Variants in CSMD1 observed in about 807,000 individuals in gnomAD.
CSMD1 encodes CUB and sushi domain-containing protein 1.
Under a neutral mutation model 417.5 loss-of-function variants are expected in CSMD1, and 213 were observed. The ratio of observed to expected loss-of-function variants is 0.51; its 90% CI spans 0.46 to 0.57. The LOEUF is 0.57. CSMD1 is among the 20% of genes least tolerant of loss of function. CSMD1 has a pLI of 0.00. For synonymous variants in CSMD1, 2,862 were observed against 1,736.8 expected (o/e 1.65, Z -16.11); for missense variants, 6,923 against 4,529.7 (o/e 1.53, Z -15.17).
chr8:4,023,509 A>G (rs1292309876), intron 4 of CSMD1, among the ~76,000 whole-genome samples: 5 of 152,062 alleles, frequency 3.3e-5, no homozygotes, highest in Admixed American at 6.6e-5. Context: ...AAGTCTAATT[A>G]CAGGCATACG....
At chr8:3,677,354 T>C (rs55988859) in intron 7 of CSMD1, among the ~76,000 whole-genome samples, 2 of 152,102 alleles carry the variant, frequency 1.3e-5, no homozygotes, top group South Asian at 2.1e-4. Context: ...AATTCTTGAA[T>C]AAATAAGCAG....
At chr8:4,520,452 A>T (rs1803381100) in intron 2 of CSMD1, among the ~76,000 whole-genome samples, 1 of 152,182 alleles carries the variant, frequency 6.6e-6, no homozygotes, top group Admixed American at 6.5e-5. Flanking sequence ...TGGATAGGAA[A>T]TTTGGATCTT....
At position 2,964,438 on chromosome 8, in the gene CSMD1, G is replaced by A. The variant is rs79812951; in HGVS notation, c.9281-1043C>T. Among the ~76,000 whole-genome samples, 518 of 152,314 alleles carry A rather than the reference G, an allele frequency of 3.4e-3. 1 individual carries two copies. Among genetic ancestry groups the A allele is most frequent in the African/African-American group, 0.012 (482 of 41,570 alleles). On this transcript the variant is annotated intron_variant, in intron 59 of 69. Coordinates refer to ENST00000635120, the MANE Select transcript of CSMD1 (RefSeq NM_033225.6). The stretch of plus-strand genomic sequence containing the variant: ...GAGGCCCCAGTTGGAAGAGACCTGA[G>A]CTACATGGGTCCCCTGGGGGCAGGG...
chr8:4,343,865 T>A (rs1204849648), intron 3 of CSMD1, among the ~76,000 whole-genome samples: 1 of 152,158 alleles, frequency 6.6e-6, no homozygotes, highest in East Asian at 1.9e-4. Context: ...CTGTAGCATA[T>A]GGCCCTGGTC....
chr8:3,367,683 A>G (rs1394286528), intron 19 of CSMD1, among the ~76,000 whole-genome samples: 1 of 152,238 alleles, frequency 6.6e-6, no homozygotes, highest in African/African-American at 2.4e-5. Context: ...AGTGCATATA[A>G]GTACAGATAT....
At chr8:4,270,082 A>G (rs143555208) in intron 3 of CSMD1, among the ~76,000 whole-genome samples, 351 of 152,286 alleles carry the variant, frequency 2.3e-3, no homozygotes, top group Non-Finnish European at 3.2e-3. Context: ...GGAGAGAAAC[A>G]TGATCAGATC....
At chr8:4,700,362 T>C (rs1807446547) in intron 1 of CSMD1, among the ~76,000 whole-genome samples, 1 of 151,956 alleles carries the variant, frequency 6.6e-6, no homozygotes, top group Non-Finnish European at 1.5e-5. Context: ...TATAAAAATA[T>C]TATTTGTTAT....
chr8:4,481,853 A>C (rs902725077), intron 2 of CSMD1, among the ~76,000 whole-genome samples: 3 of 152,132 alleles, frequency 2.0e-5, no homozygotes, highest in African/African-American at 7.2e-5. Context: ...ACCTACTTCT[A>C]TTTTAGAAGT....
At chr8:3,674,950 G>T (rs180676942) in intron 7 of CSMD1, among the ~76,000 whole-genome samples, 1 of 152,086 alleles carries the variant, frequency 6.6e-6, no homozygotes, top group African/African-American at 2.4e-5. Context: ...GCCTCTGTAG[G>T]CCAAAAACAT....
At chr8:4,689,685 C>T (rs1806636295) in intron 1 of CSMD1, among the ~76,000 whole-genome samples, 1 of 152,104 alleles carries the variant, frequency 6.6e-6, no homozygotes, top group Non-Finnish European at 1.5e-5. Flanking sequence ...TGCGAAATGC[C>T]TTTGCTTTGG....
At chr8:4,061,593 G>C (rs901493396) in intron 3 of CSMD1, among the ~76,000 whole-genome samples, 8 of 152,298 alleles carry the variant, frequency 5.3e-5, no homozygotes, top group Admixed American at 2.0e-4. Context: ...GAAGTTGTCT[G>C]GTTCCAGACA....
At chr8:4,550,352 C>T (rs558123901) in intron 2 of CSMD1, among the ~76,000 whole-genome samples, 1 of 151,852 alleles carries the variant, frequency 6.6e-6, no homozygotes, top group Admixed American at 6.6e-5. Context: ...CACACACACA[C>T]ACACACACAA....
At chr8:4,258,173 G>C (rs1803594609) in intron 3 of CSMD1, among the ~76,000 whole-genome samples, 1 of 150,056 alleles carries the variant, frequency 6.7e-6, no homozygotes, top group Non-Finnish European at 1.5e-5. Flanking sequence ...TCAAACTCCT[G>C]GCCTCAAGCA....
At chr8:4,666,744 G>C (rs145353860) in intron 1 of CSMD1, among the ~76,000 whole-genome samples, 46 of 152,054 alleles carry the variant, frequency 3.0e-4, no homozygotes, top group African/African-American at 9.2e-4. Flanking sequence ...TCTTCATACA[G>C]TCAAGTCCTT....
chr8:3,350,748 A>T (rs551206310), intron 21 of CSMD1, among the ~76,000 whole-genome samples: 1 of 152,340 alleles, frequency 6.6e-6, no homozygotes, highest in Non-Finnish European at 1.5e-5. Flanking sequence ...AAAAGGTGGG[A>T]CAAGAAAGAA....
chr8:3,685,560 G>A (rs552852118), intron 7 of CSMD1, among the ~76,000 whole-genome samples: 1 of 152,226 alleles, frequency 6.6e-6, no homozygotes, highest in South Asian at 2.1e-4. Flanking sequence ...GTAACAACGG[G>A]TTACAAAACA....
chr8:3,610,212 T>C (rs956483493), intron 8 of CSMD1, among the ~76,000 whole-genome samples: 4 of 152,140 alleles, frequency 2.6e-5, no homozygotes, highest in Non-Finnish European at 4.4e-5. Flanking sequence ...GGTTTTACTA[T>C]CCCATGGAAC....
At chr8:4,479,959 C>T (rs751540593) in intron 2 of CSMD1, among the ~76,000 whole-genome samples, 1 of 142,824 alleles carries the variant, frequency 7.0e-6, no homozygotes, top group East Asian at 2.1e-4. Context: ...CAGCAAGTCT[C>T]TGTCTCAAAA....
At chr8:4,206,139 T>C (rs184355106) in intron 3 of CSMD1, among the ~76,000 whole-genome samples, 36 of 152,258 alleles carry the variant, frequency 2.4e-4, no homozygotes, top group African/African-American at 7.2e-4. Flanking sequence ...GTATTTTACC[T>C]TTTCCCTGGC....
Sources: gnomAD v4.1 joint callset for allele counts (sites outside exome capture counted in the v4.1 genomes callset) on GRCh38, gnomAD v4.1.1 for gene constraint, MANE v1.5 for transcripts, NCBI Gene and HGNC (gene_info 2026-07-23, HGNC 2026-07-21) for gene names.